Variants in LIG1 observed in about 807,000 individuals in gnomAD.
LIG1 encodes ligase I, DNA, ATP-dependent.
In LIG1, 70 loss-of-function variants were observed where a neutral mutation model predicts 115.7. That is an observed-to-expected ratio of 0.60 (90% CI 0.50 to 0.74). The LOEUF is 0.74. LIG1 is among the 30% of genes least tolerant of loss of function. LIG1 has a pLI of 0.00. For synonymous variants in LIG1, 487 were observed against 495.3 expected, an observed-to-expected ratio of 0.98 and a Z score of 0.22; for missense variants, 1,115 against 1,225.6, an observed-to-expected ratio of 0.91 and a Z score of 1.35.
chr19:48,143,665 C>T, intron 10 of LIG1, 66 bp from the exon 11 acceptor site: 1 of 1,422,570 alleles, frequency 7.0e-7, no homozygotes, highest in East Asian at 2.3e-5. Context: ...CCGTCTGCAC[C>T]CTTGCTTCCT....
chr19:48,134,283 CCTAT>C (rs982621357), intron 16 of LIG1, among the ~76,000 whole-genome samples: 11 of 152,312 alleles, frequency 7.2e-5, no homozygotes, highest in Admixed American at 4.6e-4. Context: ...GCCCCTGTTC[CCTAT>C]CTGTCACCAC....
intron 1 of LIG1, 133 bp downstream of exon 1, chr19:48,170,108 G>A: frequency 2.4e-6 from 1 of 422,990 alleles, no homozygotes; most frequent in Non-Finnish European, 4.8e-6. Flanking sequence ...CGTCTCCACC[G>A]CGCTCTCGGC....
chr19:48,136,200 C>T, intron 14 of LIG1, 75 bp from the exon 15 acceptor site: 5 of 1,146,680 alleles, frequency 4.4e-6, no homozygotes, highest in East Asian at 2.6e-5. Flanking sequence ...CTCTGATCTC[C>T]TCGACCTTGA....
Position 48,117,961 on chromosome 19 carries a change from GAAA to G in LIG1, c.2440-183_2440-181del, listed in dbSNP as rs1267825836. 1.8e-5 allele frequency: 12 copies of G among 654,724 alleles called. No homozygotes were observed. The African/African-American group carries it at 2.2e-4, about 12-fold the overall frequency. 40.6% of individuals were successfully genotyped at this position (654,724 alleles called of 1,614,324 possible). A position where few individuals can be genotyped will look rare whatever the true frequency, so the allele number is the denominator to read the frequency against. ...CACCCCCTTGAAGTAAACAGAAATA[GAAA>G]GAGAAACAGAAAGTGAAAGAAGGGA... is the stretch of plus-strand genomic sequence containing the variant. On this transcript the variant is annotated intron_variant, in intron 25 of 27. Transcript: ENST00000263274.
intron 4 of LIG1, among the ~76,000 whole-genome samples, chr19:48,157,994 C>T (rs1051030072): frequency 7.2e-5 from 11 of 152,184 alleles, no homozygotes; most frequent in South Asian, 4.1e-4. Flanking sequence ...TGGTAGGAAC[C>T]GAGTTCTTCC....
At chr19:48,164,922 G>A (rs936715536) in intron 2 of LIG1, among the ~76,000 whole-genome samples, 13 of 152,202 alleles carry the variant, frequency 8.5e-5, no homozygotes, top group Non-Finnish European at 1.5e-4. Flanking sequence ...GCCACTAGAT[G>A]CCAATGGCAA....
At chr19:48,117,174 T>C (rs1405595355) in intron 26 of LIG1, among the ~76,000 whole-genome samples, 1 of 151,624 alleles carries the variant, frequency 6.6e-6, no homozygotes, top group Non-Finnish European at 1.5e-5. Flanking sequence ...TCTTTTCTTT[T>C]TTTGAGACAG....
intron 1 of LIG1, chr19:48,165,902 G>T: frequency 2.4e-6 from 1 of 413,518 alleles, no homozygotes; most frequent in Non-Finnish European, 4.4e-6. Context: ...ACCTGAAATG[G>T]GTTTTTTTGG....
At chr19:48,169,215 T>C (rs1459333326) in intron 1 of LIG1, among the ~76,000 whole-genome samples, 1 of 152,190 alleles carries the variant, frequency 6.6e-6, no homozygotes, top group East Asian at 1.9e-4. Context: ...GGAGTTCTTA[T>C]GTGGAGAGGG....
intron 21 of LIG1, 64 bp downstream of exon 21, chr19:48,127,213 C>T: frequency 7.5e-7 from 1 of 1,331,500 alleles, no homozygotes; most frequent in Non-Finnish European, 1.1e-6. Context: ...AGAGGGGCAG[C>T]TGCCAGGCTC....
chr19:48,146,161 G>A (rs2035099112), intron 9 of LIG1: 1 of 152,318 alleles, frequency 6.6e-6, no homozygotes, highest in Non-Finnish European at 1.5e-5. Flanking sequence ...GTCTCTTGGA[G>A]GCAGCCATTG....
intron 2 of LIG1, among the ~76,000 whole-genome samples, chr19:48,163,295 C>A (rs2036292505): frequency 6.6e-6 from 1 of 151,914 alleles, no homozygotes; most frequent in Admixed American, 6.6e-5. Flanking sequence ...AATCTCGGCT[C>A]ACTGCAACCT....
Position 48,143,605 on chromosome 19 carries a change from G to A in LIG1, c.858-6C>T. The A allele has an allele frequency of 6.2e-7, 1 of 1,611,304 alleles. No homozygotes were observed. The stretch of plus-strand genomic sequence containing the variant: ...CCACAGCCAGGTAAGGAACCCTAGG[G>A]AAGGAAAAGAGACGCAAGAGTGACA... On this transcript the variant is annotated splice_polypyrimidine_tract_variant and splice_region_variant and intron_variant, in intron 10 of 27. Transcript: ENST00000263274.
chr19:48,152,580 G>A (rs984410076), intron 6 of LIG1, among the ~76,000 whole-genome samples: 5 of 152,084 alleles, frequency 3.3e-5, no homozygotes, highest in African/African-American at 4.8e-5. Flanking sequence ...GGCTGTTTTC[G>A]GTGGGTTCAC....
chr19:48,138,809 C>T (rs2034559855), intron 12 of LIG1, among the ~76,000 whole-genome samples: 1 of 152,214 alleles, frequency 6.6e-6, no homozygotes, highest in Non-Finnish European at 1.5e-5. Flanking sequence ...TTTTCTGTTA[C>T]CTGCAGCTCA....
Position 48,123,232 on chromosome 19 carries a change from G to A in LIG1, c.2091C>T (p.Thr697=), listed in dbSNP as rs369389106. 188 of 1,614,036 alleles carry A rather than the reference G, an allele frequency of 1.2e-4. No individual in the cohort carries two copies. The highest frequency in any genetic ancestry group is 1.5e-4 in the Non-Finnish European group (175 of 1,180,024). ...GCTCGATGTCCTTGGTGTCCAGGGA[G>A]GTGGCGAAGACAAACTCGCCCTCTG... The part of the protein sequence containing the change: ...VETEGEFVFA[T]SLDTKDIEQI... Residue 697 remains threonine (T), a synonymous_variant, in exon 22 of 28, where the codon ACC becomes ACT. Transcript: ENST00000263274.
intron 10 of LIG1, 134 bp from the exon 11 acceptor site, chr19:48,143,733 C>A: frequency 9.5e-7 from 1 of 1,051,298 alleles, no homozygotes; most frequent in South Asian, 1.3e-5. Context: ...CTTCCCAGGG[C>A]TGTCTCTCTG....
chr19:48,151,445 T>C, intron 6 of LIG1, 106 bp from the exon 7 acceptor site: 1 of 784,240 alleles, frequency 1.3e-6, no homozygotes, highest in East Asian at 2.6e-5. Flanking sequence ...GTTCTTTTTT[T>C]TGAGACAGAG....
intron 21 of LIG1, 113 bp downstream of exon 21, chr19:48,127,164 T>TCCTGG: frequency 1.2e-6 from 1 of 865,052 alleles, no homozygotes. Flanking sequence ...AAGTGTGGCT[T>TCCTGG]CCTGGCCATG....
Sources: allele counts gnomAD v4.1 joint callset (sites outside exome capture counted in the v4.1 genomes callset), GRCh38; gene constraint gnomAD v4.1.1; transcripts MANE v1.5; gene names NCBI Gene and HGNC (gene_info 2026-07-23, HGNC 2026-07-21).